The following EIF4G3 variants were observed in gnomAD, a reference collection of about 807,000 sequenced individuals.
The protein encoded by EIF4G3 is eukaryotic translation initiation factor 4 gamma 3, also known as eIF-4-gamma 3.
EIF4G3 carries 34 observed loss-of-function variants against 186.4 expected under a neutral mutation model. The observed-to-expected ratio is 0.18, with a 90% confidence interval of 0.14 to 0.24. The LOEUF (loss-of-function observed/expected upper bound fraction) is 0.24. Among genes scored for constraint, EIF4G3 ranks in the 10% least tolerant of loss-of-function variants. EIF4G3 has a pLI of 1.00. For synonymous variants in EIF4G3, 673 were observed against 679.5 expected (o/e 0.99, Z 0.15); for missense variants, 1,536 against 1,948.5 (o/e 0.79, Z 3.99).
intron 29 of EIF4G3, among the ~76,000 whole-genome samples, chr1:20,847,566 G>T (rs560918851): frequency 6.6e-6 from 1 of 152,174 alleles, no homozygotes; most frequent in Admixed American, 6.5e-5. Flanking sequence ...AATCTCCACT[G>T]TTTTCTTCCT....
chr1:21,131,423 A>C (rs1490967101), intron 2 of EIF4G3, among the ~76,000 whole-genome samples: 1 of 150,854 alleles, frequency 6.6e-6, no homozygotes, highest in Non-Finnish European at 1.5e-5. Context: ...AAAAAGAAAT[A>C]CTTGAGATAA....
chr1:21,131,383 C>CTGG (rs1347659798), intron 2 of EIF4G3, among the ~76,000 whole-genome samples: 5 of 140,982 alleles, frequency 3.5e-5, no homozygotes, highest in Non-Finnish European at 7.6e-5. Flanking sequence ...ATATGTATAA[C>CTGG]TGGATTCACA....
At chr1:20,865,473 G>A (rs1026868857) in intron 20 of EIF4G3, among the ~76,000 whole-genome samples, 6 of 151,036 alleles carry the variant, frequency 4.0e-5, no homozygotes, top group African/African-American at 1.5e-4. Context: ...TCATATAAAT[G>A]TACTCTTTTT....
At chr1:21,062,828 T>A (rs556947377) in intron 3 of EIF4G3, among the ~76,000 whole-genome samples, 1 of 152,254 alleles carries the variant, frequency 6.6e-6, no homozygotes, top group African/African-American at 2.4e-5. Context: ...TGACCTCAGA[T>A]GATCTGCCCA....
At chr1:20,829,560 A>G (rs897196553) in intron 30 of EIF4G3, among the ~76,000 whole-genome samples, 2 of 152,204 alleles carry the variant, frequency 1.3e-5, no homozygotes, top group African/African-American at 4.8e-5. Flanking sequence ...TATAAAGGTG[A>G]CATTTGAAAG....
At chr1:21,133,284 A>G (rs1213099026) in intron 2 of EIF4G3, among the ~76,000 whole-genome samples, 1 of 151,338 alleles carries the variant, frequency 6.6e-6, no homozygotes, top group African/African-American at 2.4e-5. Context: ...GAGTGCAATG[A>G]CACGATCTCA....
chr1:21,001,353 G>A, intron 5 of EIF4G3, 41 bp from the exon 6 acceptor site: 1 of 470,538 alleles, frequency 2.1e-6, no homozygotes, highest in Non-Finnish European at 4.4e-6. Flanking sequence ...TCTTCAGTCA[G>A]GTTCTGCGCC....
intron 15 of EIF4G3, among the ~76,000 whole-genome samples, chr1:20,902,504 A>G (rs2090681809): frequency 6.6e-6 from 1 of 152,230 alleles, no homozygotes; most frequent in South Asian, 2.1e-4. Flanking sequence ...GGAAATGAAG[A>G]CAATGGCATC....
At position 20,981,736 on chromosome 1, in the gene EIF4G3, G is replaced by GTA. The variant is rs1314985231; in HGVS notation, c.199-511_199-510dup. On this transcript the variant is annotated intron_variant, in intron 8 of 36. Coordinates refer to ENST00000602326, the MANE Select transcript of EIF4G3 (RefSeq NM_001391906.1). ...ATACATACATGTATACGCACATACT[G>GTA]TATATACACATACATATATGTATAC... Among the ~76,000 whole-genome samples, 27 of 139,294 alleles carry GTA rather than the reference G, an allele frequency of 1.9e-4. 2 individuals carry two copies. The highest frequency in any genetic ancestry group is 5.2e-4 in the African/African-American group (20 of 38,728). 91.4% of individuals were successfully genotyped at this position (139,294 alleles called of 152,430 possible).
At chr1:21,034,582 C>T (rs1427181920) in intron 4 of EIF4G3, among the ~76,000 whole-genome samples, 2 of 152,174 alleles carry the variant, frequency 1.3e-5, no homozygotes, top group Non-Finnish European at 2.9e-5. Context: ...GCCAAGTAAA[C>T]CAATTTCACA....
rs1445293419 is a variant in EIF4G3 at position 21,004,795 on chromosome 1, C to CT, written c.-66-1988dup. Among the ~76,000 whole-genome samples, 8 of 151,650 alleles carry CT rather than the reference C, an allele frequency of 5.3e-5. No homozygotes were observed. The East Asian group carries it at 5.8e-4, about 11-fold the overall frequency. On this transcript the variant is annotated intron_variant, in intron 4 of 36. Coordinates refer to ENST00000602326, the MANE Select transcript of EIF4G3 (RefSeq NM_001391906.1). Reference sequence around the variant, plus strand: ...AAATAACAAAACAAAATTTCTTTTTCTTTTTTTTAATGAGTTATAAAAAAC... The same window carrying CT: ...AAATAACAAAACAAAATTTCTTTTTCTTTTTTTTTAATGAGTTATAAAAAAC...
At chr1:20,994,306 C>T (rs929463556) in intron 7 of EIF4G3, among the ~76,000 whole-genome samples, 2 of 152,130 alleles carry the variant, frequency 1.3e-5, no homozygotes, top group Non-Finnish European at 2.9e-5. Context: ...CACATAATGC[C>T]GGTTCAGTTA....
chr1:20,884,322 C>G (rs1271766825), intron 19 of EIF4G3, among the ~76,000 whole-genome samples: 1 of 152,092 alleles, frequency 6.6e-6, no homozygotes, highest in Non-Finnish European at 1.5e-5. Context: ...GTTATAACAA[C>G]TGGACTATTT....
intron 4 of EIF4G3, among the ~76,000 whole-genome samples, chr1:21,009,900 G>A (rs149819211): frequency 0.029 from 4,427 of 151,994 alleles, 141 homozygotes; most frequent in East Asian, 0.14. Flanking sequence ...TGATCTGCCC[G>A]CCTCGGCCTC....
intron 3 of EIF4G3, among the ~76,000 whole-genome samples, chr1:21,055,192 A>C (rs1283053365): frequency 1.3e-5 from 2 of 152,140 alleles, no homozygotes; most frequent in Non-Finnish European, 2.9e-5. Flanking sequence ...AATTTATATT[A>C]TTTCCCATGT....
In EIF4G3 at chr1:21,130,549, T is replaced by C. The variant is rs568603813; in HGVS notation, c.-271-41336A>G. 9.9e-4 allele frequency among the ~76,000 whole-genome samples: 150 copies of C among 152,104 alleles called. 2 individuals carry two copies. Among genetic ancestry groups the C allele is most frequent in the African/African-American group, 3.4e-3 (140 of 41,520 alleles). On this transcript the variant is annotated intron_variant, in intron 2 of 36. Transcript: ENST00000602326. Reference sequence around the variant, plus strand: ...TAACTAAGCACCCAATATCTCACGGTAAAGGCCTGAAGGAAGAAGTGGCGT... The same window carrying C: ...TAACTAAGCACCCAATATCTCACGGCAAAGGCCTGAAGGAAGAAGTGGCGT...
intron 4 of EIF4G3, among the ~76,000 whole-genome samples, chr1:21,027,873 C>T (rs1357459978): frequency 6.6e-6 from 1 of 152,098 alleles, no homozygotes; most frequent in Middle Eastern, 3.2e-3. Flanking sequence ...ACTGGTAAAA[C>T]ATGAAAGCCA....
At chr1:20,974,928 T>C (rs1055396055) in intron 10 of EIF4G3, among the ~76,000 whole-genome samples, 7 of 152,172 alleles carry the variant, frequency 4.6e-5, no homozygotes, top group African/African-American at 1.7e-4. Flanking sequence ...GTAAAATCCT[T>C]GGTACTAAGC....
At chr1:21,108,228 C>T (rs1203181877) in intron 2 of EIF4G3, among the ~76,000 whole-genome samples, 1 of 152,162 alleles carries the variant, frequency 6.6e-6, no homozygotes, top group Non-Finnish European at 1.5e-5. Flanking sequence ...GCTAAGAAAC[C>T]ATCTCTTAGG....
Sources: allele counts gnomAD v4.1 joint callset (sites outside exome capture counted in the v4.1 genomes callset), GRCh38; gene constraint gnomAD v4.1.1; transcripts MANE v1.5; gene names NCBI Gene and HGNC (gene_info 2026-07-23, HGNC 2026-07-21).